Variants in ALG13 observed in about 807,000 individuals in gnomAD.
The protein encoded by ALG13 is ALG13 UDP-N-acetylglucosaminyltransferase subunit.
ALG13 carries 11 observed loss-of-function variants against 87.8 expected under a neutral mutation model. The observed-to-expected ratio is 0.13, with a 90% CI of 0.08 to 0.21. The LOEUF is 0.21. ALG13 is among the 10% of genes least tolerant of loss of function. ALG13 has a pLI of 1.00. For synonymous variants in ALG13, 320 were observed against 306.3 expected (o/e 1.04, Z -0.47); for missense variants, 756 against 866.1 (o/e 0.87, Z 1.60).
intron 23 of ALG13, among the ~76,000 whole-genome samples, chrX:111,742,653 G>A (rs1943860379): frequency 8.9e-6 from 1 of 112,201 alleles, no homozygotes; most frequent in South Asian, 3.7e-4. Flanking sequence ...TTTTGATGTT[G>A]TATTCATAAT....
intron 3 of ALG13, among the ~76,000 whole-genome samples, chrX:111,707,219 ACTCAT>A (rs1308040480): frequency 8.9e-6 from 1 of 111,989 alleles, no homozygotes; most frequent in Non-Finnish European, 1.9e-5. Context: ...TCATTGTCCA[ACTCAT>A]CTCATACTCT....
intron 24 of ALG13, among the ~76,000 whole-genome samples, chrX:111,747,632 A>T (rs1944362425): frequency 9.0e-6 from 1 of 110,861 alleles, no homozygotes; most frequent in Non-Finnish European, 1.9e-5. Flanking sequence ...GAATATAGGC[A>T]CCCACCACCA....
At position 111,682,253 on chromosome X, in the gene ALG13, A is replaced by C. The variant is rs1401818038; in HGVS notation, c.203A>C (p.Lys68Thr). The C allele has an allele frequency of 5.0e-6, 6 of 1,196,617 alleles. No homozygotes were observed. The East Asian group carries it at 1.5e-4, about 30-fold the overall frequency. ...LDVYRYKDSL[K>T]EDIQKADLVI... ...GTTTACAGGTACAAGGATTCCTTGA[A>C]AGAAGACATTCAGAAAGCAGATCTT... Residue 68 changes from lysine (K) to threonine (T), a missense_variant, in exon 2 of 27, where the codon AAA becomes ACA. This residue lies in a region of ALG13 where 153 missense variants were observed against 168.7 expected (regional missense o/e 0.91). Coordinates refer to ENST00000394780, the MANE Select transcript of ALG13 (RefSeq NM_001099922.3).
At chrX:111,697,107 GTAT>G (rs1937082628) in intron 3 of ALG13, among the ~76,000 whole-genome samples, 2 of 104,497 alleles carry the variant, frequency 1.9e-5, no homozygotes, top group South Asian at 8.6e-4. Flanking sequence ...AGTGTCTTTT[GTAT>G]TATTCTAACA....
Position 111,725,066 on chromosome X carries a change from G to A in ALG13, c.1729+5G>A, listed in dbSNP as rs1454972617. ...GGGGTTATGTCCCGGAAATAGGTTT[G>A]TATGCTAAAGGTTGTTATTTTGTTT... On this transcript the variant is annotated splice_donor_5th_base_variant and intron_variant, in intron 15 of 26. Coordinates refer to ENST00000394780, the MANE Select transcript of ALG13 (RefSeq NM_001099922.3). 1.7e-6 allele frequency: 2 copies of A among 1,209,115 alleles called. No individual in the cohort carries two copies. Among genetic ancestry groups the A allele is most frequent in the South Asian group, 3.6e-5 (2 of 56,329 alleles).
At chrX:111,682,702 G>A (rs1354942998) in intron 2 of ALG13, among the ~76,000 whole-genome samples, 1 of 112,130 alleles carries the variant, frequency 8.9e-6, no homozygotes, top group Non-Finnish European at 1.9e-5. Context: ...ACCCGGGGAA[G>A]TGTAATAAAT....
At position 111,708,257 on chromosome X, in the gene ALG13, A is replaced by G. The variant is rs769730756; in HGVS notation, c.614A>G (p.His205Arg). The G allele has an allele frequency of 8.3e-7, 1 of 1,211,676 alleles. No homozygotes were observed. The highest frequency in any genetic ancestry group is 1.1e-6 in the Non-Finnish European group (1 of 895,452). ...CTTACCCCCACCCTGTACAAAATGC[A>G]TAAAGGATGGAAAAACTACTGCAGC... ...LPLTPTLYKMHKGWKNYCSQK... is the reference protein window; with the variant it reads ...LPLTPTLYKMRKGWKNYCSQK... Residue 205 changes from histidine to arginine, a missense_variant, in exon 4 of 27, where the codon CAT (histidine) becomes CGT (arginine). Transcript: ENST00000394780.
At chrX:111,744,982 C>G in intron 24 of ALG13, 78 bp downstream of exon 24, 1 of 872,730 alleles carries the variant, frequency 1.1e-6, no homozygotes, top group Non-Finnish European at 1.7e-6. Context: ...TTTGGTTGAC[C>G]TATTGGGGAA....
chrX:111,687,844 A>G, intron 3 of ALG13: 1 of 1,111,528 alleles, frequency 9.0e-7, no homozygotes, highest in Admixed American at 3.2e-5. Context: ...GAAGTATGGA[A>G]TTTTCTCCCA....
chrX:111,742,838 A>T (rs963630449), intron 23 of ALG13, among the ~76,000 whole-genome samples: 2 of 112,475 alleles, frequency 1.8e-5, no homozygotes, highest in Non-Finnish European at 3.8e-5. Flanking sequence ...GGATGGGGGA[A>T]ATCAGCATTC....
At chrX:111,758,368 A>G (rs1360587864) in intron 26 of ALG13, among the ~76,000 whole-genome samples, 2 of 112,273 alleles carry the variant, frequency 1.8e-5, no homozygotes, top group Non-Finnish European at 3.8e-5. Context: ...TTAAATGAAC[A>G]AAGTGAGCCT....
intron 3 of ALG13, among the ~76,000 whole-genome samples, chrX:111,691,843 G>A (rs1156854395): frequency 8.9e-6 from 1 of 112,665 alleles, no homozygotes; most frequent in Non-Finnish European, 1.9e-5. Flanking sequence ...TCCATGTGGA[G>A]AAACTCTTTC....
At chrX:111,750,698 G>A (rs1944652761) in intron 24 of ALG13, among the ~76,000 whole-genome samples, 1 of 109,579 alleles carries the variant, frequency 9.1e-6, no homozygotes, top group Admixed American at 9.9e-5. Context: ...GAGATGGAGA[G>A]TCTCTGTCGC....
chrX:111,708,780 A>G (rs752232238), intron 4 of ALG13, among the ~76,000 whole-genome samples, 185 bp from the exon 5 acceptor site: 1 of 112,084 alleles, frequency 8.9e-6, no homozygotes, highest in East Asian at 2.8e-4. Flanking sequence ...GGGGCATGAC[A>G]GTCATCCTTC....
At chrX:111,694,474 G>A (rs1448343037) in intron 3 of ALG13, among the ~76,000 whole-genome samples, 7 of 112,281 alleles carry the variant, frequency 6.2e-5, no homozygotes, top group African/African-American at 2.3e-4. Flanking sequence ...AACCCATAAT[G>A]TCATATAGTG....
intron 15 of ALG13, 41 bp from the exon 16 acceptor site, chrX:111,726,768 G>A: frequency 1.7e-6 from 2 of 1,205,694 alleles, no homozygotes; most frequent in African/African-American, 1.7e-5. Context: ...CTTTTGCTTT[G>A]ATTATGAAGC....
chrX:111,744,701 C>T lies in ALG13; in HGVS notation c.2729C>T (p.Ala910Val), dbSNP rs1163364528. 1 of 1,181,888 alleles carries T rather than the reference C, an allele frequency of 8.5e-7. No individual in the cohort carries two copies. The highest frequency in any genetic ancestry group is 1.1e-6 in the Non-Finnish European group (1 of 882,569). ...IASPSYPCHS[A>V]IPHAGASLPP... is the part of the protein sequence containing the mutation. ...TCACCATCCTATCCATGCCATTCTG[C>T]TATTCCTCATGCTGGTGCCTCTCTA... Residue 910 changes from alanine to valine, a missense_variant, in exon 24 of 27, where the codon GCT (alanine) becomes GTT (valine). Physicochemically the swap from Ala to Val is moderately conservative, Grantham distance 64 (BLOSUM62 0). Transcript: ENST00000394780.
intron 25 of ALG13, 40 bp from the exon 26 acceptor site, chrX:111,757,548 G>A (rs771202206): frequency 1.9e-6 from 2 of 1,032,788 alleles, no homozygotes; most frequent in Non-Finnish European, 1.3e-6. Context: ...ATAGAGAAGA[G>A]TGAAGTTTCT....
At chrX:111,744,171 A>T (rs1944010693) in intron 23 of ALG13, among the ~76,000 whole-genome samples, 1 of 111,695 alleles carries the variant, frequency 9.0e-6, no homozygotes, top group Non-Finnish European at 1.9e-5. Flanking sequence ...AACGTTCATG[A>T]TTTAAAGTTC....
Sources: gnomAD v4.1 joint callset for allele counts (sites outside exome capture counted in the v4.1 genomes callset) on GRCh38, gnomAD v4.1.1 for gene constraint, gnomAD v4.1.1 regional missense constraint, MANE v1.5 for transcripts, NCBI Gene and HGNC (gene_info 2026-07-23, HGNC 2026-07-21) for gene names.